PLEKHG5: variants seen among roughly 807,000 people sequenced by gnomAD.
PLEKHG5 encodes the protein pleckstrin homology and RhoGEF domain containing G5.
A neutral mutation model predicts 103.8 loss-of-function variants in PLEKHG5; 52 were observed. That is an observed-to-expected ratio of 0.50 (90% CI 0.40 to 0.63). The LOEUF is 0.63. Among genes scored for constraint, PLEKHG5 ranks in the 30% least tolerant of loss-of-function variants. The pLI is 0.00. For missense variants in PLEKHG5, 1,205 were observed against 1,347.6 expected, an observed-to-expected ratio of 0.89 and a Z score of 1.66; for synonymous variants, 592 against 575.5, an observed-to-expected ratio of 1.03 and a Z score of -0.41.
chr1:6,507,486 C>G (rs1638356229), intron 1 of PLEKHG5, among the ~76,000 whole-genome samples: 1 of 152,220 alleles, frequency 6.6e-6, no homozygotes, highest in South Asian at 2.1e-4. Flanking sequence ...CTTACCCCAC[C>G]TGTGCCCCCC....
chr1:6,494,443 T>A (rs1044523195), upstream of PLEKHG5, among the ~76,000 whole-genome samples: 3 of 151,714 alleles, frequency 2.0e-5, no homozygotes, highest in Admixed American at 6.6e-5. Flanking sequence ...TTTTTTAATT[T>A]TAGTAGAGAG....
chr1:6,475,533 G>T lies in PLEKHG5; in HGVS notation c.150-11C>A, dbSNP rs369136414. On this transcript the variant is annotated splice_polypyrimidine_tract_variant and intron_variant, in intron 3 of 20. Coordinates refer to ENST00000377728, the MANE Select transcript of PLEKHG5 (RefSeq NM_020631.6). ...GTGCTCTTCCGGTCCCTGCAGGGAA[G>T]CGAGGAGGGCAGAGGCTGGAGGTGT... 18 of 1,612,274 alleles carry T rather than the reference G, an allele frequency of 1.1e-5. No individual in the cohort carries two copies. The East Asian group carries it at 1.8e-4, about 16-fold the overall frequency.
intron 20 of PLEKHG5, 41 bp from the exon 21 acceptor site, chr1:6,467,613 G>T (rs766971481): frequency 4.4e-6 from 7 of 1,607,044 alleles, no homozygotes; most frequent in Non-Finnish European, 6.0e-6. Flanking sequence ...TTTGGCTGAC[G>T]CCATTCAGAG....
chr1:6,472,518 C>T lies in PLEKHG5; in HGVS notation c.1080+9G>A, dbSNP rs1644623432. On this transcript the variant is annotated intron_variant, in intron 10 of 20. Coordinates refer to ENST00000377728, the MANE Select transcript of PLEKHG5 (RefSeq NM_020631.6). Reference sequence around the variant, plus strand: ...GGTGGCCACGGGGACCAGCGCAGCCCCTACTCACGTTGATGATCACCCGCA... The same window carrying T: ...GGTGGCCACGGGGACCAGCGCAGCCTCTACTCACGTTGATGATCACCCGCA... The T allele has an allele frequency of 1.3e-6, 2 of 1,593,770 alleles. No individual in the cohort carries two copies. The highest frequency in any genetic ancestry group is 1.7e-6 in the Non-Finnish European group (2 of 1,161,936).
At chr1:6,516,395 T>C (rs979764643) in intron 1 of PLEKHG5, among the ~76,000 whole-genome samples, 1 of 152,200 alleles carries the variant, frequency 6.6e-6, no homozygotes, top group Non-Finnish European at 1.5e-5. Flanking sequence ...CAGTGACTCA[T>C]GCCTGCAATC....
chr1:6,487,019 G>C lies in PLEKHG5; in HGVS notation c.-88+4618C>G, dbSNP rs1645052790. On this transcript the variant is annotated intron_variant, in intron 1 of 20. Coordinates refer to ENST00000377728, the MANE Select transcript of PLEKHG5 (RefSeq NM_020631.6). This position sits in a 1 kb window ranked among gnomAD's most constrained non-coding sequence, Gnocchi z 4.1. ...GTGAGATGGCTTTGGGAGGGCAGCA[G>C]CGTTTTATTAGAGGCTGGGAGACTT... Among the ~76,000 whole-genome samples the C allele has an allele frequency of 6.6e-6, 1 of 152,216 alleles. No individual in the cohort carries two copies. The highest frequency in any genetic ancestry group is 2.1e-4 in the South Asian group (1 of 4,836).
At chr1:6,473,974 C>T (rs1644676197) in intron 7 of PLEKHG5, 39 bp downstream of exon 7, 2 of 1,417,962 alleles carry the variant, frequency 1.4e-6, no homozygotes, top group Admixed American at 1.9e-5. Flanking sequence ...GCCTGGGCCC[C>T]TTCCCACCCC....
intron 1 of PLEKHG5, among the ~76,000 whole-genome samples, chr1:6,489,268 C>T (rs772395594): frequency 1.2e-4 from 19 of 152,302 alleles, no homozygotes; most frequent in Non-Finnish European, 2.4e-4. Context: ...CTTTGCCAGG[C>T]GGCTCTCTAC....
At chr1:6,499,179 T>C (rs1237364444), upstream of PLEKHG5, among the ~76,000 whole-genome samples, 2 of 152,198 alleles carry the variant, frequency 1.3e-5, no homozygotes, top group African/African-American at 4.8e-5. Context: ...CCCCAGGGCC[T>C]CTGGATTGTA....
intron 2 of PLEKHG5, among the ~76,000 whole-genome samples, chr1:6,477,100 A>T (rs1022466937): frequency 1.3e-5 from 2 of 152,120 alleles, no homozygotes; most frequent in Non-Finnish European, 2.9e-5. Context: ...CTGCTCAGCA[A>T]GAGGAATTTC....
chr1:6,512,240 C>A (rs535144556), intron 1 of PLEKHG5, among the ~76,000 whole-genome samples: 29 of 152,174 alleles, frequency 1.9e-4, no homozygotes, highest in African/African-American at 6.5e-4. Context: ...CCTTCACAGC[C>A]GAGATATTTG....
chr1:6,494,423 G>A (rs1157077308), upstream of PLEKHG5, among the ~76,000 whole-genome samples: 3 of 151,770 alleles, frequency 2.0e-5, no homozygotes, highest in Non-Finnish European at 2.9e-5. Flanking sequence ...GAGCCACCAC[G>A]CCAGGCCTTT....
chr1:6,479,094 T>C (rs1439084683), intron 1 of PLEKHG5, among the ~76,000 whole-genome samples: 1 of 152,194 alleles, frequency 6.6e-6, no homozygotes, highest in Non-Finnish European at 1.5e-5. Flanking sequence ...GAAATCATGC[T>C]GCTGCCTAAG....
chr1:6,469,903 A>G (rs1328914052), intron 16 of PLEKHG5, among the ~76,000 whole-genome samples: 3 of 152,242 alleles, frequency 2.0e-5, no homozygotes, highest in African/African-American at 4.8e-5. Flanking sequence ...GTGACTTTGA[A>G]GTCACCGTGT....
upstream of PLEKHG5, among the ~76,000 whole-genome samples, chr1:6,495,904 C>T (rs1295675534): frequency 6.6e-6 from 1 of 152,242 alleles, no homozygotes; most frequent in Non-Finnish European, 1.5e-5. Flanking sequence ...ACATCACAGG[C>T]AGAAGCGCCC....
chr1:6,477,594 C>T lies in PLEKHG5; in HGVS notation c.-23G>A. On this transcript the variant is annotated 5_prime_UTR_variant, in exon 2 of 21. It adds an upstream start codon to the 5' untranslated region. Coordinates refer to ENST00000377728, the MANE Select transcript of PLEKHG5 (RefSeq NM_020631.6). The stretch of plus-strand genomic sequence containing the variant: ...CATGGTGCTGTGGAACTTGCTGTCA[C>T]AGGCCTCGCAGAGGTTGAGGGGCCC... The T allele has an allele frequency of 6.2e-7, 1 of 1,611,890 alleles. No homozygotes were observed. Among genetic ancestry groups the T allele is most frequent in the Admixed American group, 1.7e-5 (1 of 60,024 alleles).
Position 6,487,945 on chromosome 1 carries a change from G to C in PLEKHG5, c.-88+3692C>G, listed in dbSNP as rs930853402. Among the ~76,000 whole-genome samples, 1 of 152,192 alleles carries C rather than the reference G, an allele frequency of 6.6e-6. No homozygotes were observed. The highest frequency in any genetic ancestry group is 2.4e-5 in the African/African-American group (1 of 41,440). ...CAGAAGGGCCTTCATGCCACAGAAGGACATGGGGACAGGAAAGGGCTCGGC... is the reference window on the plus strand; with the variant it reads ...CAGAAGGGCCTTCATGCCACAGAAGCACATGGGGACAGGAAAGGGCTCGGC... On this transcript the variant is annotated intron_variant, in intron 1 of 20. Transcript: ENST00000377728. The surrounding 1 kb of genome is among the most constrained non-coding windows in gnomAD (Gnocchi z 4.1).
At position 6,470,893 on chromosome 1, in the gene PLEKHG5, G is replaced by A. The variant is rs749625445; in HGVS notation, c.1393-9C>T. On this transcript the variant is annotated splice_polypyrimidine_tract_variant and intron_variant, in intron 13 of 20. Transcript: ENST00000377728. Reference sequence around the variant, plus strand: ...GGGTGCTTCTCCGCCCACTGCGGTGGGGGAGTGGGGGCGGGCTCAGGGCAG... The same window carrying A: ...GGGTGCTTCTCCGCCCACTGCGGTGAGGGAGTGGGGGCGGGCTCAGGGCAG... The A allele has an allele frequency of 7.1e-7, 1 of 1,412,680 alleles. No individual in the cohort carries two copies. The highest frequency in any genetic ancestry group is 1.2e-5 in the South Asian group (1 of 80,756). 87.5% of individuals were successfully genotyped at this position (1,412,680 alleles called of 1,614,324 possible). A position where few individuals can be genotyped will look rare whatever the true frequency, so the allele number is the denominator to read the frequency against.
intron 1 of PLEKHG5, among the ~76,000 whole-genome samples, chr1:6,510,168 C>G (rs1026264116): frequency 4.6e-5 from 7 of 152,230 alleles, no homozygotes; most frequent in Non-Finnish European, 1.0e-4. Flanking sequence ...ACAGGCCAGG[C>G]TGCAGAGCCC....
Sources: gnomAD v4.1 joint callset for allele counts (sites outside exome capture counted in the v4.1 genomes callset) on GRCh38, gnomAD v4.1.1 for gene constraint, Gnocchi (gnomAD v3.1) non-coding constraint, MANE v1.5 for transcripts, NCBI Gene and HGNC (gene_info 2026-07-23, HGNC 2026-07-21) for gene names.